Variants in TGFBR3 observed in about 807,000 individuals in gnomAD.
TGFBR3 encodes transforming growth factor beta receptor type 3.
TGFBR3 carries 46 observed loss-of-function variants against 87.9 expected under a neutral mutation model. The ratio of observed to expected loss-of-function variants is 0.52; its 90% confidence interval spans 0.41 to 0.67. TGFBR3 has a LOEUF of 0.67. Ranked by LOEUF, TGFBR3 falls within the 30% of genes least tolerant of loss-of-function variation. The pLI is 0.00. For synonymous variants in TGFBR3, 381 were observed against 391.6 expected (o/e 0.97, Z 0.32); for missense variants, 866 against 1,041.9 (o/e 0.83, Z 2.32).
intron 2 of TGFBR3, among the ~76,000 whole-genome samples, chr1:91,855,941 C>A (rs767312850): frequency 1.3e-5 from 2 of 151,434 alleles, no homozygotes; most frequent in Non-Finnish European, 2.9e-5. Context: ...ATCACCTAAG[C>A]TAATTTCTAA....
intron 2 of TGFBR3, among the ~76,000 whole-genome samples, chr1:91,897,119 G>A (rs2101342578): frequency 6.6e-6 from 1 of 152,166 alleles, no homozygotes; most frequent in Middle Eastern, 3.4e-3. Flanking sequence ...TTTCCTATAT[G>A]TTTTACTAAC....
chr1:91,710,237 T>C (rs916414872), intron 13 of TGFBR3, among the ~76,000 whole-genome samples: 1 of 152,136 alleles, frequency 6.6e-6, no homozygotes, highest in African/African-American at 2.4e-5. Context: ...AGTCAGACAC[T>C]TCTTATAAGA....
intron 16 of TGFBR3, among the ~76,000 whole-genome samples, chr1:91,691,998 A>C (rs1380142456): frequency 1.3e-5 from 2 of 152,138 alleles, no homozygotes; most frequent in Non-Finnish European, 2.9e-5. Context: ...ACTCCGTCTC[A>C]AAACAAAAAA....
At chr1:91,894,106 G>A (rs931325367) in intron 2 of TGFBR3, among the ~76,000 whole-genome samples, 4 of 151,994 alleles carry the variant, frequency 2.6e-5, no homozygotes, top group Admixed American at 2.6e-4. Flanking sequence ...ATTTTACTGA[G>A]AATATCAGAG....
chr1:91,816,797 T>C (rs566489330), intron 2 of TGFBR3, among the ~76,000 whole-genome samples: 1 of 152,354 alleles, frequency 6.6e-6, no homozygotes, highest in African/African-American at 2.4e-5. Context: ...ATACATTCTT[T>C]CATATCCCTT....
chr1:91,754,128 G>GT (rs1184366251), intron 4 of TGFBR3, among the ~76,000 whole-genome samples: 3 of 152,068 alleles, frequency 2.0e-5, no homozygotes, highest in African/African-American at 4.8e-5. Flanking sequence ...CTTTTCATGT[G>GT]TTTTTTGGCC....
In TGFBR3 at chr1:91,712,384, G is replaced by A; in HGVS notation, c.2025C>T (p.His675=). 6.2e-7 allele frequency: 1 copy of A among 1,614,220 alleles called. No individual in the cohort carries two copies. Residue 675 remains histidine, a synonymous_variant, in exon 13 of 17, where the codon CAC becomes CAT. Transcript: ENST00000212355. ...SVKFYSPKRV[H]FPIPQADMDK... ...CCATGTCAGCTTGCGGGATAGGAAA[G>A]TGCACTCTCTTGGGACTGTAGAATT... is the stretch of plus-strand genomic sequence containing the variant.
intron 15 of TGFBR3, among the ~76,000 whole-genome samples, chr1:91,697,502 G>A (rs1410865962): frequency 6.6e-6 from 1 of 152,178 alleles, no homozygotes; most frequent in Non-Finnish European, 1.5e-5. Flanking sequence ...ATGCCAATGA[G>A]GCAGGAATAT....
chr1:91,777,504 T>G (rs1053883823), intron 3 of TGFBR3, among the ~76,000 whole-genome samples: 1 of 151,974 alleles, frequency 6.6e-6, no homozygotes, highest in Non-Finnish European at 1.5e-5. Flanking sequence ...CCTTTCCAAT[T>G]TCTCACCTCC....
rs1436055293 is a variant in TGFBR3, at chr1:91,682,085, A to T, written c.*1654T>A. On this transcript the variant is annotated 3_prime_UTR_variant, in exon 17 of 17. Coordinates refer to ENST00000212355, the MANE Select transcript of TGFBR3 (RefSeq NM_003243.5). ...TCCTTATTGAATGTGTATATCTATC[A>T]GGTAAGTCATATTATTACTCAACGA... 2.2e-6 allele frequency: 1 copy of T among 453,894 alleles called. No homozygotes were observed. The highest frequency in any genetic ancestry group is 2.0e-5 in the African/African-American group (1 of 49,972). The allele number at this position is 453,894 out of a possible 1,614,324, so 28.1% of individuals were successfully genotyped here.
chr1:91,800,330 A>ATGTGTATGTG (rs1553168327), intron 2 of TGFBR3, among the ~76,000 whole-genome samples: 68 of 136,264 alleles, frequency 5.0e-4, no homozygotes, highest in African/African-American at 1.9e-3. Flanking sequence ...ATATGTGTAT[A>ATGTGTATGTG]TGTGTGTGTG....
intron 4 of TGFBR3, among the ~76,000 whole-genome samples, chr1:91,750,799 A>C (rs534737353): frequency 6.6e-6 from 1 of 152,310 alleles, no homozygotes; most frequent in African/African-American, 2.4e-5. Flanking sequence ...TTGTGTCTGC[A>C]ACCTTGACCC....
chr1:91,698,627 C>G (rs1671511386), intron 14 of TGFBR3, among the ~76,000 whole-genome samples: 1 of 151,334 alleles, frequency 6.6e-6, no homozygotes, highest in Non-Finnish European at 1.5e-5. Context: ...TTTAGCCTCC[C>G]GAGTAGCTGG....
chr1:91,728,236 C>T (rs1047147496), intron 6 of TGFBR3, among the ~76,000 whole-genome samples: 5 of 150,596 alleles, frequency 3.3e-5, no homozygotes, highest in Admixed American at 6.6e-5. Flanking sequence ...GAGTTGGGGG[C>T]GGGGTGTTGG....
intron 2 of TGFBR3, among the ~76,000 whole-genome samples, chr1:91,893,265 G>A (rs988727130): frequency 4.0e-5 from 6 of 151,622 alleles, no homozygotes; most frequent in Non-Finnish European, 7.4e-5. Flanking sequence ...TGTCTAAGGA[G>A]AAAGAAGAGT....
chr1:91,850,113 A>G (rs1235036067), intron 2 of TGFBR3, among the ~76,000 whole-genome samples: 1 of 151,172 alleles, frequency 6.6e-6, no homozygotes, highest in East Asian at 1.9e-4. Context: ...AAGAAAGAAA[A>G]AGAAAAAAAT....
intron 2 of TGFBR3, among the ~76,000 whole-genome samples, chr1:91,860,495 C>A (rs975294745): frequency 6.6e-6 from 1 of 152,120 alleles, no homozygotes; most frequent in African/African-American, 2.4e-5. Context: ...TAAAATAGAG[C>A]AAATTAAGCT....
At chr1:91,751,740 T>C (rs1199379725) in intron 4 of TGFBR3, among the ~76,000 whole-genome samples, 1 of 152,192 alleles carries the variant, frequency 6.6e-6, no homozygotes, top group African/African-American at 2.4e-5. Flanking sequence ...TTAAATTTAT[T>C]AATTTACATT....
intron 1 of TGFBR3, among the ~76,000 whole-genome samples, chr1:91,869,305 C>T (rs1055054034): frequency 6.6e-6 from 1 of 152,200 alleles, no homozygotes; most frequent in African/African-American, 2.4e-5. Context: ...ACTTGGCTGA[C>T]AGCGGGCATC....
Sources: allele counts gnomAD v4.1 joint callset (sites outside exome capture counted in the v4.1 genomes callset), GRCh38; gene constraint gnomAD v4.1.1; transcripts MANE v1.5; gene names NCBI Gene and HGNC (gene_info 2026-07-23, HGNC 2026-07-21).